The following VGLL2 variants were observed in gnomAD, a reference collection of about 807,000 sequenced individuals.
VGLL2 encodes the protein transcription cofactor vestigial-like protein 2.
VGLL2 carries 18 observed loss-of-function variants against 27.0 expected under a neutral mutation model. The observed-to-expected ratio is 0.67, with a 90% CI of 0.46 to 0.99. VGLL2 has a LOEUF of 0.99. Ranked by LOEUF, VGLL2 falls within the 50% of genes least tolerant of loss-of-function variation. The pLI is 0.00. For synonymous variants in VGLL2, 220 were observed against 201.1 expected, an observed-to-expected ratio of 1.09 and a Z score of -0.80; for missense variants, 491 against 452.3, an observed-to-expected ratio of 1.09 and a Z score of -0.78.
Position 117,265,600 on chromosome 6 carries a change from G to C in VGLL2, c.-164G>C. On this transcript the variant is annotated 5_prime_UTR_variant, in exon 1 of 4. Transcript: ENST00000326274. ...CGGTCGGGAGTAAAATCGCAGGAGT[G>C]GGAGGGTAGCGAGCCAGCTGGATTC... The C allele has an allele frequency of 6.2e-6, 4 of 644,002 alleles. No homozygotes were observed. The South Asian group carries it at 7.2e-5, about 12-fold the overall frequency. The allele number at this position is 644,002 out of a possible 1,614,324, so 39.9% of individuals were successfully genotyped here.
At position 117,265,686 on chromosome 6, in the gene VGLL2, C is replaced by A. The variant is rs1344959705; in HGVS notation, c.-78C>A. On this transcript the variant is annotated 5_prime_UTR_variant, in exon 1 of 4. Coordinates refer to ENST00000326274, the MANE Select transcript of VGLL2 (RefSeq NM_182645.3). ...TGACTCCAGAGCGCGGGTCCAAGCG[C>A]CGCCCATGCAGCACCCCTGAGCTCC... The A allele has an allele frequency of 4.6e-6, 6 of 1,307,520 alleles. No homozygotes were observed. The highest frequency in any genetic ancestry group is 6.6e-6 in the Non-Finnish European group (6 of 910,068). 81.0% of individuals were successfully genotyped at this position (1,307,520 alleles called of 1,614,324 possible).
chr6:117,272,677 A>G lies in VGLL2; in HGVS notation c.*183A>G. The G allele has an allele frequency of 1.2e-6, 1 of 806,590 alleles. No individual in the cohort carries two copies. The highest frequency in any genetic ancestry group is 1.7e-5 in the African/African-American group (1 of 57,474). 50.0% of individuals were successfully genotyped at this position (806,590 alleles called of 1,614,324 possible). A position where few individuals can be genotyped will look rare whatever the true frequency, so the allele number is the denominator to read the frequency against. ...CATCTAAAAATAAGTCCTGCTGCTG[A>G]AAGAGCAAATCCAAAGACTGAGTTA... On this transcript the variant is annotated 3_prime_UTR_variant, in exon 4 of 4. Transcript: ENST00000326274.
At chr6:117,272,408 G>A (rs1449303417) in intron 3 of VGLL2, 46 bp from the exon 4 acceptor site, 3 of 1,614,186 alleles carry the variant, frequency 1.9e-6, no homozygotes, top group South Asian at 1.1e-5. Flanking sequence ...GGCACTCAGA[G>A]CTGAAATGGA....
intron 3 of VGLL2, 89 bp from the exon 4 acceptor site, chr6:117,272,365 C>T: frequency 6.2e-7 from 1 of 1,611,072 alleles, no homozygotes; most frequent in African/African-American, 1.3e-5. Context: ...CGCCCACCTT[C>T]TTCCCTGTAG....
At position 117,265,864 on chromosome 6, in the gene VGLL2, A is replaced by T. The variant is rs1490341598; in HGVS notation, c.81+20A>T. ...CACCAGGTACGTGTCTCCTCTGGGGACTTTGGGAAGGAGTGCGCGCCCCCC... is the reference window on the plus strand; with the variant it reads ...CACCAGGTACGTGTCTCCTCTGGGGTCTTTGGGAAGGAGTGCGCGCCCCCC... On this transcript the variant is annotated intron_variant, in intron 1 of 3. Coordinates refer to ENST00000326274, the MANE Select transcript of VGLL2 (RefSeq NM_182645.3). The T allele has an allele frequency of 6.2e-7, 1 of 1,611,302 alleles. No individual in the cohort carries two copies. Among genetic ancestry groups the T allele is most frequent in the African/African-American group, 1.3e-5 (1 of 74,950 alleles).
chr6:117,265,902 A>T, intron 1 of VGLL2, 58 bp downstream of exon 1: 5 of 1,502,662 alleles, frequency 3.3e-6, no homozygotes, highest in African/African-American at 1.4e-5. Context: ...TTGCGGCGGC[A>T]TGGCCTGTAC....
intron 3 of VGLL2, among the ~76,000 whole-genome samples, chr6:117,271,759 G>A (rs1773206300): frequency 6.6e-6 from 1 of 152,034 alleles, no homozygotes; most frequent in African/African-American, 2.4e-5. Flanking sequence ...TAGTTGTAAG[G>A]AAAGAAAAAT....
intron 2 of VGLL2, among the ~76,000 whole-genome samples, chr6:117,269,690 A>G (rs1773140801): frequency 1.3e-5 from 2 of 152,162 alleles, no homozygotes; most frequent in Non-Finnish European, 2.9e-5. Context: ...CTCCCTTCTT[A>G]CTAATGGCAA....
rs1410381436 is a variant in VGLL2 at position 117,270,588 on chromosome 6, G to C, written c.437G>C (p.Trp146Ser). The C allele has an allele frequency of 1.9e-6, 3 of 1,596,168 alleles. No individual in the cohort carries two copies. The highest frequency in any genetic ancestry group is 2.6e-6 in the Non-Finnish European group (3 of 1,173,340). The change falls in exon 3 of 4, where the codon TGG (tryptophan) becomes TCG (serine). Residue 146 changes from tryptophan to serine, a missense_variant. Coordinates refer to ENST00000326274, the MANE Select transcript of VGLL2 (RefSeq NM_182645.3). Reference protein sequence around the residue: ...MSQRSFPASFWNSAYQAPVPP... With the variant: ...MSQRSFPASFSNSAYQAPVPP... ...CAGCGCAGCTTCCCCGCCTCCTTCTGGAATAGCGCGTACCAGGCGCCAGTG... is the reference window on the plus strand; with the variant it reads ...CAGCGCAGCTTCCCCGCCTCCTTCTCGAATAGCGCGTACCAGGCGCCAGTG...
rs751850741 is a variant in VGLL2 at position 117,270,547 on chromosome 6, C to T, written c.396C>T (p.Cys132=). Residue 132 remains cysteine, a synonymous_variant, in exon 3 of 4, where the codon TGC becomes TGT. Transcript: ENST00000326274. ...APRSSGPWRD[C]SFPMSQRSFP... ...GCCTCCCCGGCCGGCCTACAGACTGCTCCTTCCCGATGAGCCAGCGCAGCT... is the reference window on the plus strand; with the variant it reads ...GCCTCCCCGGCCGGCCTACAGACTGTTCCTTCCCGATGAGCCAGCGCAGCT... 1.8e-5 allele frequency: 28 copies of T among 1,596,692 alleles called. No individual in the cohort carries two copies. The South Asian group carries it at 2.8e-4, about 16-fold the overall frequency.
In VGLL2 at chr6:117,270,613, G is replaced by T. The variant is rs760325445; in HGVS notation, c.462G>T (p.Val154=). The T allele has an allele frequency of 3.2e-6, 5 of 1,561,510 alleles. No individual in the cohort carries two copies. Among genetic ancestry groups the T allele is most frequent in the Non-Finnish European group, 4.3e-6 (5 of 1,157,370 alleles). Residue 154 remains valine, a synonymous_variant, in exon 3 of 4, where the codon GTG becomes GTT. Transcript: ENST00000326274. ...GGAATAGCGCGTACCAGGCGCCAGTGCCCCCGCCGCTGGGCAGCCCTCTGG... is the reference window on the plus strand; with the variant it reads ...GGAATAGCGCGTACCAGGCGCCAGTTCCCCCGCCGCTGGGCAGCCCTCTGG... ...SFWNSAYQAP[V]PPPLGSPLAT...
In VGLL2 at chr6:117,265,782, A is replaced by C. The variant is rs1773053946; in HGVS notation, c.19A>C (p.Met7Leu). ...GAGAGTCATGAGCTGTCTGGATGTT[A>C]TGTACCAAGTCTATGGTCCTCCGCA... MSCLDV[M>L]YQVYGPPQPY... Residue 7 changes from methionine (M) to leucine (L), a missense_variant, in exon 1 of 4, where the codon ATG becomes CTG. Physicochemically the swap from Met to Leu is conservative, Grantham distance 15 (BLOSUM62 2). Coordinates refer to ENST00000326274, the MANE Select transcript of VGLL2 (RefSeq NM_182645.3). The C allele has an allele frequency of 1.9e-6, 3 of 1,614,110 alleles. No homozygotes were observed. The highest frequency in any genetic ancestry group is 2.2e-5 in the East Asian group (1 of 44,854).
At position 117,270,702 on chromosome 6, in the gene VGLL2, G is replaced by A. The variant is rs561880092; in HGVS notation, c.551G>A (p.Gly184Asp). The A allele has an allele frequency of 5.5e-5, 85 of 1,536,678 alleles. No homozygotes were observed. The South Asian group carries it at 9.8e-4, about 18-fold the overall frequency. The change falls in exon 3 of 4, where the codon GGC becomes GAC. Residue 184 changes from glycine to aspartate, a missense_variant. Transcript: ENST00000326274. Reference sequence around the variant, plus strand: ...CCCTACTCGCCCGCCGCGCTGCATGGCCACCTGCACCAGGGCGCCACGGAG... The same window carrying A: ...CCCTACTCGCCCGCCGCGCTGCATGACCACCTGCACCAGGGCGCCACGGAG... Reference protein sequence around the residue: ...ADPYSPAALHGHLHQGATEPW... With the variant: ...ADPYSPAALHDHLHQGATEPW...
At chr6:117,269,535 T>G (rs1197180639) in intron 2 of VGLL2, among the ~76,000 whole-genome samples, 1 of 152,226 alleles carries the variant, frequency 6.6e-6, no homozygotes, top group East Asian at 1.9e-4. Context: ...CTTTTTATTC[T>G]CTGCCTAAAT....
intron 2 of VGLL2, among the ~76,000 whole-genome samples, chr6:117,270,161 G>C (rs1414710131): frequency 2.6e-5 from 4 of 152,044 alleles, no homozygotes; most frequent in Admixed American, 2.6e-4. Flanking sequence ...GCCGTGCTGC[G>C]CTGAGTCGCG....
rs1425646429 is a variant in VGLL2 at position 117,268,434 on chromosome 6, A to C, written c.334A>C (p.Ser112Arg). ...HFSRALSQPS[S>R]YSPSCTSSKA... ...CAGCAGGGCCCTGAGCCAACCCAGCAGCTACTCTCCTAGCTGTACCAGCAG... is the reference window on the plus strand; with the variant it reads ...CAGCAGGGCCCTGAGCCAACCCAGCCGCTACTCTCCTAGCTGTACCAGCAG... The change falls in exon 2 of 4, where the codon AGC becomes CGC. Residue 112 changes from serine to arginine, a missense_variant. Coordinates refer to ENST00000326274, the MANE Select transcript of VGLL2 (RefSeq NM_182645.3). The C allele has an allele frequency of 6.2e-7, 1 of 1,614,126 alleles. No individual in the cohort carries two copies. Among genetic ancestry groups the C allele is most frequent in the East Asian group, 2.2e-5 (1 of 44,862 alleles).
chr6:117,268,127 C>G (rs939825628), intron 1 of VGLL2, 55 bp from the exon 2 acceptor site: 11 of 1,565,512 alleles, frequency 7.0e-6, no homozygotes, highest in Non-Finnish European at 9.6e-6. Context: ...CAGTCTGAAC[C>G]GAATTTGCCA....
rs1773174539 is a variant in VGLL2 at position 117,270,814 on chromosome 6, C to T, written c.663C>T (p.Tyr221=). 7.0e-7 allele frequency: 1 copy of T among 1,433,444 alleles called. No homozygotes were observed. Among genetic ancestry groups the T allele is most frequent in the Non-Finnish European group, 9.1e-7 (1 of 1,096,246 alleles). The allele number at this position is 1,433,444 out of a possible 1,614,324, so 88.8% of individuals were successfully genotyped here. ...GGALGAQAAP[Y]PRPAAVHEVY... The stretch of plus-strand genomic sequence containing the variant: ...CCCTCGGCGCCCAGGCCGCCCCCTA[C>T]CCGCGCCCCGCCGCCGTGCACGAAG... Residue 221 remains tyrosine (Y), a synonymous_variant, in exon 3 of 4, where the codon TAC becomes TAT. Coordinates refer to ENST00000326274, the MANE Select transcript of VGLL2 (RefSeq NM_182645.3).
chr6:117,265,606 G>C lies in VGLL2; in HGVS notation c.-158G>C. 1 of 656,096 alleles carries C rather than the reference G, an allele frequency of 1.5e-6. No homozygotes were observed. Among genetic ancestry groups the C allele is most frequent in the Non-Finnish European group, 2.7e-6 (1 of 365,704 alleles). 40.6% of individuals were successfully genotyped at this position (656,096 alleles called of 1,614,324 possible). A position where few individuals can be genotyped will look rare whatever the true frequency, so the allele number is the denominator to read the frequency against. Reference sequence around the variant, plus strand: ...GGAGTAAAATCGCAGGAGTGGGAGGGTAGCGAGCCAGCTGGATTCCGAGCC... The same window carrying C: ...GGAGTAAAATCGCAGGAGTGGGAGGCTAGCGAGCCAGCTGGATTCCGAGCC... On this transcript the variant is annotated 5_prime_UTR_variant, in exon 1 of 4. Coordinates refer to ENST00000326274, the MANE Select transcript of VGLL2 (RefSeq NM_182645.3).
Sources: allele counts gnomAD v4.1 joint callset (sites outside exome capture counted in the v4.1 genomes callset), GRCh38; gene constraint gnomAD v4.1.1; transcripts MANE v1.5; gene names NCBI Gene and HGNC (gene_info 2026-07-23, HGNC 2026-07-21).